Variants in GLDC observed in about 807,000 individuals in gnomAD.
GLDC encodes glycine dehydrogenase (decarboxylating), mitochondrial.
In GLDC, 104 loss-of-function variants were observed where a neutral mutation model predicts 121.3. That is an observed-to-expected ratio of 0.86 (90% CI 0.73 to 1.01). The LOEUF is 1.01. Among genes scored for constraint, GLDC ranks in the 50% least tolerant of loss-of-function variants. The pLI is 0.00. For missense variants in GLDC, 1,429 were observed against 1,306.6 expected, an observed-to-expected ratio of 1.09 and a Z score of -1.44; for synonymous variants, 546 against 480.6, an observed-to-expected ratio of 1.14 and a Z score of -1.78.
intron 17 of GLDC, among the ~76,000 whole-genome samples, chr9:6,556,761 T>A (rs1410919795): frequency 1.4e-5 from 2 of 147,266 alleles, no homozygotes; most frequent in East Asian, 4.0e-4. Context: ...ACCACTGCAC[T>A]CCAGCTTGGA....
intron 21 of GLDC, chr9:6,540,970 AAC>A (rs1353946689): frequency 6.6e-6 from 1 of 152,256 alleles, no homozygotes; most frequent in Non-Finnish European, 1.5e-5. Context: ...CAGCCAGGGC[AAC>A]ATGGCCAAAC....
chr9:6,602,861 C>T (rs79884793), intron 7 of GLDC, among the ~76,000 whole-genome samples: 1 of 152,032 alleles, frequency 6.6e-6, no homozygotes, highest in Non-Finnish European at 1.5e-5. Context: ...GTGGATTCTA[C>T]ACCACAGATT....
Position 6,569,718 on chromosome 9 carries a change from G to A in GLDC, c.1851-4289C>T, listed in dbSNP as rs187170281. ...CACAGTGCCTCATGCCTGCATGCCTGTAATCACAGCACGTTGGGAGGCCGA... is the reference window on the plus strand; with the variant it reads ...CACAGTGCCTCATGCCTGCATGCCTATAATCACAGCACGTTGGGAGGCCGA... On this transcript the variant is annotated intron_variant, in intron 15 of 24. Transcript: ENST00000321612. Among the ~76,000 whole-genome samples, 425 of 152,114 alleles carry A rather than the reference G, an allele frequency of 2.8e-3. 1 individual carries two copies. The highest frequency in any genetic ancestry group is 4.5e-3 in the Non-Finnish European group (303 of 68,000).
At chr9:6,602,076 G>A (rs1818621857) in intron 8 of GLDC, 33 bp downstream of exon 8, 1 of 1,203,810 alleles carries the variant, frequency 8.3e-7, no homozygotes, top group Non-Finnish European at 1.2e-6. Context: ...GTATCGTAAG[G>A]CATTCAGTAG....
Position 6,540,147 on chromosome 9 carries a change from C to G in GLDC, c.2570-1G>C, listed in dbSNP as rs1207351316. 1 of 1,599,708 alleles carries G rather than the reference C, an allele frequency of 6.3e-7. No individual in the cohort carries two copies. Among genetic ancestry groups the G allele is most frequent in the South Asian group, 1.1e-5 (1 of 90,770 alleles). On this transcript the variant is annotated splice_acceptor_variant, in intron 21 of 24. Coordinates refer to ENST00000321612, the MANE Select transcript of GLDC (RefSeq NM_000170.3). LOFTEE classifies it high-confidence loss of function. ...AAAATAAATTCATGACCCACATAAC[C>G]TGTTCAGGAAAGTTGTTTCAGCCCA...
intron 21 of GLDC, 39 bp from the exon 22 acceptor site, chr9:6,540,185 G>A (rs1332642859): frequency 8.1e-7 from 1 of 1,240,392 alleles, no homozygotes; most frequent in African/African-American, 1.5e-5. Context: ...ATTAGCATCA[G>A]CTTATTGTTT....
At chr9:6,634,822 C>G (rs182979276) in intron 2 of GLDC, among the ~76,000 whole-genome samples, 12 of 152,264 alleles carry the variant, frequency 7.9e-5, no homozygotes, top group Middle Eastern at 3.4e-3. Context: ...CTCCCCTTCC[C>G]TCTCCCGCTT....
intron 1 of GLDC, among the ~76,000 whole-genome samples, chr9:6,645,039 C>G (rs1452543286): frequency 6.6e-6 from 1 of 152,204 alleles, no homozygotes; most frequent in African/African-American, 2.4e-5. Context: ...GGCACGAAGA[C>G]TGGGTGCAGG....
intron 2 of GLDC, among the ~76,000 whole-genome samples, chr9:6,621,737 C>G (rs1587973816): frequency 6.6e-6 from 1 of 152,234 alleles, no homozygotes; most frequent in South Asian, 2.1e-4. Flanking sequence ...AGGCTGGTCT[C>G]GAACTTCTGA....
At chr9:6,611,297 C>T (rs1329076129) in intron 3 of GLDC, among the ~76,000 whole-genome samples, 3 of 152,264 alleles carry the variant, frequency 2.0e-5, no homozygotes, top group Admixed American at 1.3e-4. Context: ...AGAGCTACCA[C>T]ACCTCACCTA....
At chr9:6,550,088 C>T (rs948347146) in intron 21 of GLDC, among the ~76,000 whole-genome samples, 21 of 152,216 alleles carry the variant, frequency 1.4e-4, no homozygotes, top group African/African-American at 2.4e-4. Flanking sequence ...TCATCGGCTA[C>T]GCTGGCTTCC....
chr9:6,549,622 A>G (rs984206811), intron 21 of GLDC, among the ~76,000 whole-genome samples: 1 of 152,076 alleles, frequency 6.6e-6, no homozygotes, highest in Non-Finnish European at 1.5e-5. Flanking sequence ...AGACTCAGCT[A>G]TTAGGTCCTG....
chr9:6,622,466 G>A (rs1172561387), intron 2 of GLDC, among the ~76,000 whole-genome samples: 2 of 151,646 alleles, frequency 1.3e-5, no homozygotes, highest in Non-Finnish European at 2.9e-5. Context: ...CTGGTCTCCA[G>A]CTCCTAACCG....
intron 3 of GLDC, among the ~76,000 whole-genome samples, chr9:6,610,701 G>A (rs1378047535): frequency 3.3e-5 from 5 of 151,742 alleles, no homozygotes; most frequent in Non-Finnish European, 7.4e-5. Flanking sequence ...CAAGGCTCAA[G>A]AGATCCTCTG....
At chr9:6,578,370 G>T (rs893821373) in intron 15 of GLDC, among the ~76,000 whole-genome samples, 1 of 152,052 alleles carries the variant, frequency 6.6e-6, no homozygotes, top group Non-Finnish European at 1.5e-5. Context: ...TCCCACCTCA[G>T]ACTCCCAAAG....
At position 6,587,306 on chromosome 9, in the gene GLDC, T is replaced by C. The variant is rs190589369; in HGVS notation, c.1708-23A>G. 1.8e-4 allele frequency: 286 copies of C among 1,567,854 alleles called. 3 individuals carry two copies. The East Asian group carries it at 6.1e-3, about 34-fold the overall frequency. On this transcript the variant is annotated intron_variant, in intron 14 of 24. Transcript: ENST00000321612. ...AGGCTGAAAAGAAAGAAAACAAAAATGCATATATACATATTATAATAGCAA... is the reference window on the plus strand; with the variant it reads ...AGGCTGAAAAGAAAGAAAACAAAAACGCATATATACATATTATAATAGCAA...
intron 5 of GLDC, 52 bp downstream of exon 5, chr9:6,606,540 A>T: frequency 2.0e-6 from 2 of 1,015,066 alleles, no homozygotes; most frequent in South Asian, 2.5e-5. Context: ...AAGAAACAGC[A>T]GAGATGAACA....
At position 6,629,221 on chromosome 9, in the gene GLDC, A is replaced by AT. The variant is rs34170195; in HGVS notation, c.335-8903dup. On this transcript the variant is annotated intron_variant, in intron 2 of 24. Coordinates refer to ENST00000321612, the MANE Select transcript of GLDC (RefSeq NM_000170.3). ...AAGATGATTTTGCTGTTAAATATTC[A>AT]TTTTTTTTTTTTTTGAGATGGAGTC... is the stretch of plus-strand genomic sequence containing the variant. Among the ~76,000 whole-genome samples, 1,394 of 145,398 alleles carry AT rather than the reference A, an allele frequency of 9.6e-3. 15 individuals are homozygous for AT. Among genetic ancestry groups the AT allele is most frequent in the Middle Eastern group, 0.025 (7 of 284 alleles).
At chr9:6,600,333 C>A (rs1332455087) in intron 8 of GLDC, among the ~76,000 whole-genome samples, 1 of 151,446 alleles carries the variant, frequency 6.6e-6, no homozygotes, top group Non-Finnish European at 1.5e-5. Flanking sequence ...TATGGCCATG[C>A]CACTGCACTC....
Sources: allele counts gnomAD v4.1 joint callset (sites outside exome capture counted in the v4.1 genomes callset), GRCh38; gene constraint gnomAD v4.1.1; transcripts MANE v1.5; gene names NCBI Gene and HGNC (gene_info 2026-07-23, HGNC 2026-07-21).